The following TSPAN9 variants were observed in gnomAD, a reference collection of about 807,000 sequenced individuals.
The protein encoded by TSPAN9 is tetraspanin 9, also known as tetraspanin-9.
In TSPAN9, 16 loss-of-function variants were observed where a neutral mutation model predicts 31.0. That is an observed-to-expected ratio of 0.52 (90% CI 0.35 to 0.78). The LOEUF is 0.78. Ranked by LOEUF, TSPAN9 falls within the 30% of genes least tolerant of loss-of-function variation. TSPAN9 has a pLI of 0.01. For missense variants in TSPAN9, 272 were observed against 312.5 expected, an observed-to-expected ratio of 0.87 and a Z score of 0.98; for synonymous variants, 145 against 121.6, an observed-to-expected ratio of 1.19 and a Z score of -1.27.
intron 2 of TSPAN9, among the ~76,000 whole-genome samples, chr12:3,179,457 C>T (rs2098357595): frequency 6.6e-6 from 1 of 152,162 alleles, no homozygotes; most frequent in South Asian, 2.1e-4. Context: ...GCCACTGTCC[C>T]CCTGCTTGGA....
Position 3,260,728 on chromosome 12 carries a change from G to A in TSPAN9, c.64-17693G>A, listed in dbSNP as rs905797554. On this transcript the variant is annotated intron_variant, in intron 3 of 8. Transcript: ENST00000011898. ...GTGCTCCTGGAATACAGAGGTGGAG[G>A]GGCAGGGAGGGCGCAGGCCATGGGC... Among the ~76,000 whole-genome samples the A allele has an allele frequency of 9.8e-5, 15 of 152,338 alleles. No homozygotes were observed. In the East Asian group the frequency reaches 1.2e-3, roughly 12 times the overall value.
intron 3 of TSPAN9, among the ~76,000 whole-genome samples, chr12:3,201,854 G>T (rs377300384): frequency 2.0e-5 from 3 of 152,204 alleles, no homozygotes; most frequent in East Asian, 3.9e-4. Flanking sequence ...CCGAGTTGGG[G>T]CCTGGGTGGG....
intron 2 of TSPAN9, among the ~76,000 whole-genome samples, chr12:3,123,174 G>C (rs1318913341): frequency 6.6e-6 from 1 of 152,194 alleles, no homozygotes; most frequent in Non-Finnish European, 1.5e-5. Flanking sequence ...CGAACAACAG[G>C]AGATTTGTCC....
chr12:3,245,813 C>T (rs1228279529), intron 3 of TSPAN9, among the ~76,000 whole-genome samples: 1 of 152,040 alleles, frequency 6.6e-6, no homozygotes, highest in Admixed American at 6.5e-5. Flanking sequence ...TGGAGGTCTC[C>T]AATTCCTTGT....
At chr12:3,182,217 C>T (rs2098358880) in intron 2 of TSPAN9, among the ~76,000 whole-genome samples, 3 of 151,884 alleles carry the variant, frequency 2.0e-5, no homozygotes, top group South Asian at 4.2e-4. Context: ...ATTAATTCAC[C>T]CAGATCAGAC....
intron 2 of TSPAN9, among the ~76,000 whole-genome samples, chr12:3,100,694 G>A (rs1015411948): frequency 2.0e-5 from 3 of 152,174 alleles, no homozygotes; most frequent in East Asian, 1.9e-4. Flanking sequence ...TCATTTCCTG[G>A]TGTCATCCTT....
chr12:3,218,318 G>A (rs1232775802), intron 3 of TSPAN9, among the ~76,000 whole-genome samples: 3 of 152,254 alleles, frequency 2.0e-5, no homozygotes, highest in Non-Finnish European at 2.9e-5. Context: ...GCTGAGGTCA[G>A]GGAGGAAAGA....
chr12:3,105,650 G>A (rs1433995991), intron 2 of TSPAN9, among the ~76,000 whole-genome samples: 1 of 152,020 alleles, frequency 6.6e-6, no homozygotes, highest in Non-Finnish European at 1.5e-5. Context: ...TCCCGGTGGG[G>A]TGAGGGTCCC....
At chr12:3,140,537 G>A (rs2098334310) in intron 2 of TSPAN9, among the ~76,000 whole-genome samples, 1 of 152,166 alleles carries the variant, frequency 6.6e-6, no homozygotes, top group African/African-American at 2.4e-5. Context: ...CTGCAGGGAA[G>A]TTCAGAGGGT....
intron 3 of TSPAN9, among the ~76,000 whole-genome samples, chr12:3,272,076 C>T (rs958776088): frequency 6.6e-6 from 1 of 152,174 alleles, no homozygotes; most frequent in African/African-American, 2.4e-5. Context: ...AGCACTCAGT[C>T]CTAGCATTTG....
chr12:3,248,448 A>C (rs1862181392), intron 3 of TSPAN9, among the ~76,000 whole-genome samples: 2 of 152,192 alleles, frequency 1.3e-5, no homozygotes, highest in Admixed American at 6.5e-5. Flanking sequence ...AATGTTCCTG[A>C]ACATTACACT....
chr12:3,276,743 G>A (rs1385948936), intron 3 of TSPAN9, among the ~76,000 whole-genome samples: 1 of 152,156 alleles, frequency 6.6e-6, no homozygotes, highest in Non-Finnish European at 1.5e-5. Flanking sequence ...TCTACTCTTC[G>A]TGAAGGCAGG....
At chr12:3,204,006 G>A (rs564947921) in intron 3 of TSPAN9, among the ~76,000 whole-genome samples, 1 of 152,184 alleles carries the variant, frequency 6.6e-6, no homozygotes. Context: ...CAGGGTCCCT[G>A]GGAGGCCTCT....
At chr12:3,237,330 A>G (rs2098394317) in intron 3 of TSPAN9, among the ~76,000 whole-genome samples, 2 of 131,016 alleles carry the variant, frequency 1.5e-5, no homozygotes, top group East Asian at 4.2e-4. Context: ...ACGATCAAAG[A>G]CAGGCTGGTG....
intron 2 of TSPAN9, among the ~76,000 whole-genome samples, chr12:3,175,182 C>G (rs1473354526): frequency 6.6e-6 from 1 of 152,166 alleles, no homozygotes; most frequent in Non-Finnish European, 1.5e-5. Flanking sequence ...CAGCATCTCA[C>G]CTGGGGTGAG....
At chr12:3,236,603 C>T (rs1244010592) in intron 3 of TSPAN9, among the ~76,000 whole-genome samples, 5 of 152,192 alleles carry the variant, frequency 3.3e-5, no homozygotes, top group East Asian at 1.9e-4. Flanking sequence ...TCACCCAGCC[C>T]GTGGAATTTG....
chr12:3,226,916 G>A (rs2098388143), intron 3 of TSPAN9, among the ~76,000 whole-genome samples: 1 of 148,246 alleles, frequency 6.7e-6, no homozygotes, highest in African/African-American at 2.5e-5. Flanking sequence ...TATGTGGTCT[G>A]AATCCTTCCC....
intron 3 of TSPAN9, among the ~76,000 whole-genome samples, chr12:3,235,006 C>CAA (rs557454609): frequency 2.3e-5 from 3 of 130,488 alleles, no homozygotes; most frequent in Non-Finnish European, 3.3e-5. Context: ...TAAAAAAATA[C>CAA]AAAAAAAAAA....
At chr12:3,113,634 G>A (rs1414646924) in intron 2 of TSPAN9, among the ~76,000 whole-genome samples, 1 of 152,156 alleles carries the variant, frequency 6.6e-6, no homozygotes, top group East Asian at 1.9e-4. Flanking sequence ...GTATCCGATG[G>A]TTCTCAGTCC....
Sources: gnomAD v4.1 joint callset for allele counts (sites outside exome capture counted in the v4.1 genomes callset) on GRCh38, gnomAD v4.1.1 for gene constraint, MANE v1.5 for transcripts, NCBI Gene and HGNC (gene_info 2026-07-23, HGNC 2026-07-21) for gene names.